TEX10: variants seen among roughly 807,000 people sequenced by gnomAD.
TEX10 encodes testis expressed 10.
In TEX10, 24 loss-of-function variants were observed where a neutral mutation model predicts 104.4. The ratio of observed to expected loss-of-function variants is 0.23; its 90% CI spans 0.17 to 0.32. The LOEUF (loss-of-function observed/expected upper bound fraction) is 0.32. Among genes scored for constraint, TEX10 ranks in the 10% least tolerant of loss-of-function variants. The pLI is 1.00. For missense variants in TEX10, 921 were observed against 1,083.9 expected (o/e 0.85, Z 2.11); for synonymous variants, 396 against 393.4 (o/e 1.01, Z -0.08).
chr9:100,325,098 G>A (rs1279870615), intron 9 of TEX10, among the ~76,000 whole-genome samples: 1 of 152,094 alleles, frequency 6.6e-6, no homozygotes, highest in Non-Finnish European at 1.5e-5. Context: ...CAGTTATGAA[G>A]CACACTTCCA....
chr9:100,314,084 T>G (rs1435681077), intron 11 of TEX10, among the ~76,000 whole-genome samples: 2 of 116,306 alleles, frequency 1.7e-5, no homozygotes, highest in South Asian at 3.4e-4. Context: ...TCTTTGGAGA[T>G]TTTTCTTTTT....
intron 5 of TEX10, among the ~76,000 whole-genome samples, chr9:100,338,221 C>T (rs1183002527): frequency 2.0e-5 from 3 of 152,148 alleles, no homozygotes; most frequent in South Asian, 2.1e-4. Flanking sequence ...CAGTGTTGAT[C>T]GGCAGCTCTT....
At chr9:100,335,417 G>T (rs1288243820) in intron 5 of TEX10, among the ~76,000 whole-genome samples, 2 of 152,110 alleles carry the variant, frequency 1.3e-5, no homozygotes, top group Non-Finnish European at 2.9e-5. Flanking sequence ...TAGCCAGGAT[G>T]GTCTAGGTCT....
intron 12 of TEX10, among the ~76,000 whole-genome samples, chr9:100,309,928 A>G (rs564169746): frequency 2.8e-3 from 424 of 152,236 alleles, no homozygotes; most frequent in Non-Finnish European, 5.2e-3. Context: ...CCTACTTTGG[A>G]CCCCAAACCT....
intron 1 of TEX10, among the ~76,000 whole-genome samples, chr9:100,351,981 G>A (rs1835463310): frequency 6.6e-6 from 1 of 151,542 alleles, no homozygotes; most frequent in African/African-American, 2.4e-5. Flanking sequence ...ATCCCCAATA[G>A]TTTCAAAGCT....
At chr9:100,341,280 T>C (rs976202981) in intron 4 of TEX10, among the ~76,000 whole-genome samples, 8 of 152,208 alleles carry the variant, frequency 5.3e-5, no homozygotes, top group Non-Finnish European at 8.8e-5. Flanking sequence ...AGCTCAATTA[T>C]TGTTCCTCCT....
At chr9:100,313,603 C>G (rs1222603544) in intron 11 of TEX10, among the ~76,000 whole-genome samples, 1 of 151,550 alleles carries the variant, frequency 6.6e-6, no homozygotes, top group East Asian at 1.9e-4. Flanking sequence ...AATTCCAGCA[C>G]TTTGGGAGGC....
chr9:100,313,819 T>C (rs377340636), intron 11 of TEX10, among the ~76,000 whole-genome samples: 279 of 146,786 alleles, frequency 1.9e-3, no homozygotes, highest in African/African-American at 6.6e-3. Flanking sequence ...CACTCCGGCT[T>C]GGGCGACAGA....
Position 100,326,385 on chromosome 9 carries a change from C to A in TEX10, c.1896G>T (p.Leu632Phe), listed in dbSNP as rs1310768237. Residue 632 changes from leucine (L) to phenylalanine (F), a missense_variant, in exon 9 of 15, where the codon TTG (leucine) becomes TTT (phenylalanine). Transcript: ENST00000374902. ...TACAGCAACGACTTAACCGAGAAAGCAAATCAGCCGGCAGACTGGGTAGGA... is the reference window on the plus strand; with the variant it reads ...TACAGCAACGACTTAACCGAGAAAGAAAATCAGCCGGCAGACTGGGTAGGA... The part of the protein sequence containing the change: ...VYFLPSLPAD[L>F]LSRLSRCCIM... 1 of 1,613,788 alleles carries A rather than the reference C, an allele frequency of 6.2e-7. No homozygotes were observed. Among genetic ancestry groups the A allele is most frequent in the Non-Finnish European group, 8.5e-7 (1 of 1,179,998 alleles).
chr9:100,316,913 A>C (rs1834435042), intron 11 of TEX10, among the ~76,000 whole-genome samples: 1 of 150,998 alleles, frequency 6.6e-6, no homozygotes, highest in African/African-American at 2.4e-5. Context: ...AAAAAAAAAA[A>C]AAACCTAGGA....
chr9:100,303,648 A>C lies in TEX10; in HGVS notation c.2660T>G (p.Ile887Ser). Residue 887 changes from isoleucine to serine, a missense_variant, in exon 14 of 15, where the codon ATC becomes AGC. By Grantham distance (142) the Ile-to-Ser change is moderately radical (BLOSUM62 -2). Transcript: ENST00000374902. Reference sequence around the variant, plus strand: ...GCTTCTTACCGTGATATTCTTGATGATCTGCTGCACCAAGATCGCATTGGT... The same window carrying C: ...GCTTCTTACCGTGATATTCTTGATGCTCTGCTGCACCAAGATCGCATTGGT... Reference protein sequence around the residue: ...MLTNAILVQQIIKNITTLKSG... With the variant: ...MLTNAILVQQSIKNITTLKSG... The C allele has an allele frequency of 6.2e-7, 1 of 1,614,030 alleles. No homozygotes were observed. The highest frequency in any genetic ancestry group is 8.5e-7 in the Non-Finnish European group (1 of 1,180,012).
intron 4 of TEX10, among the ~76,000 whole-genome samples, chr9:100,343,187 G>C (rs1769487862): frequency 6.6e-6 from 1 of 151,024 alleles, no homozygotes; most frequent in Non-Finnish European, 1.5e-5. Context: ...CAAGGATATA[G>C]CTAGCTAACT....
intron 5 of TEX10, among the ~76,000 whole-genome samples, chr9:100,335,752 G>C (rs1834990120): frequency 1.3e-5 from 2 of 151,390 alleles, no homozygotes; most frequent in Non-Finnish European, 2.9e-5. Flanking sequence ...TTTTGAGATA[G>C]ATGGTGATGA....
At chr9:100,326,100 T>C (rs1013186960) in intron 9 of TEX10, among the ~76,000 whole-genome samples, 7 of 152,182 alleles carry the variant, frequency 4.6e-5, no homozygotes, top group African/African-American at 1.7e-4. Flanking sequence ...TTCCAAGCTA[T>C]CTATAAAAGT....
Position 100,347,240 on chromosome 9 carries a change from A to G in TEX10, c.347T>C (p.Leu116Ser), listed in dbSNP as rs1835321902. ...VFTDKDANVR[L>S]AAVQLLQFLA... ...GAATTGAAGAAGTTGAACTGCTGCT[A>G]ATCGTACATTAGCATCTTTATCTGT... The change falls in exon 3 of 15, where the codon TTA (leucine) becomes TCA (serine). Residue 116 changes from leucine (L) to serine (S), a missense_variant. This residue lies in a region of TEX10 where 50 missense variants were observed against 104.2 expected (regional missense o/e 0.48). Transcript: ENST00000374902. The G allele has an allele frequency of 6.2e-7, 1 of 1,614,032 alleles. No individual in the cohort carries two copies. Among genetic ancestry groups the G allele is most frequent in the South Asian group, 1.1e-5 (1 of 91,084 alleles).
At chr9:100,316,498 A>G (rs1834420835) in intron 11 of TEX10, among the ~76,000 whole-genome samples, 2 of 152,224 alleles carry the variant, frequency 1.3e-5, no homozygotes, top group Admixed American at 6.5e-5. Flanking sequence ...TCATCATCCT[A>G]TTCAACATAG....
At chr9:100,330,378 A>G (rs1834827194) in intron 5 of TEX10, among the ~76,000 whole-genome samples, 1 of 152,246 alleles carries the variant, frequency 6.6e-6, no homozygotes, top group Non-Finnish European at 1.5e-5. Context: ...AAGAAGGTAC[A>G]GAGTGTATAC....
intron 5 of TEX10, among the ~76,000 whole-genome samples, chr9:100,330,516 G>A (rs1006215460): frequency 6.6e-6 from 1 of 152,266 alleles, no homozygotes; most frequent in East Asian, 1.9e-4. Flanking sequence ...CTTATATTTG[G>A]ATGGAAATCA....
At chr9:100,338,516 C>T (rs181984919) in intron 5 of TEX10, among the ~76,000 whole-genome samples, 2 of 152,326 alleles carry the variant, frequency 1.3e-5, no homozygotes, top group East Asian at 3.9e-4. Context: ...GTATCTGCTT[C>T]TTGCAGTTGG....
Sources: gnomAD v4.1 joint callset for allele counts (sites outside exome capture counted in the v4.1 genomes callset) on GRCh38, gnomAD v4.1.1 for gene constraint, gnomAD v4.1.1 regional missense constraint, MANE v1.5 for transcripts, NCBI Gene and HGNC (gene_info 2026-07-23, HGNC 2026-07-21) for gene names.